The following DIXDC1 variants were observed in gnomAD, a reference collection of about 807,000 sequenced individuals.
DIXDC1 encodes the protein DIX domain containing 1, also known as dixin.
A neutral mutation model predicts 103.1 loss-of-function variants in DIXDC1; 64 were observed. The observed-to-expected ratio is 0.62, with a 90% CI of 0.51 to 0.76. The LOEUF (loss-of-function observed/expected upper bound fraction) is 0.76, where lower values mean the gene tolerates loss of function less well. DIXDC1 is among the 30% of genes least tolerant of loss of function. DIXDC1 has a pLI of 0.00. For synonymous variants in DIXDC1, 266 were observed against 298.5 expected, an observed-to-expected ratio of 0.89 and a Z score of 1.12; for missense variants, 759 against 834.2, an observed-to-expected ratio of 0.91 and a Z score of 1.11.
At chr11:111,980,646 C>T (rs1330843094) in intron 5 of DIXDC1, 91 bp from the exon 6 acceptor site, 2 of 994,846 alleles carry the variant, frequency 2.0e-6, no homozygotes, top group African/African-American at 3.2e-5. Context: ...TGAATAAGAA[C>T]ATGTCCCTGT....
At chr11:111,948,339 T>A (rs868941731) in intron 1 of DIXDC1, among the ~76,000 whole-genome samples, 1 of 152,216 alleles carries the variant, frequency 6.6e-6, no homozygotes, top group South Asian at 2.1e-4. Context: ...TTCCTTCCTG[T>A]CCTCTACCTT....
intron 10 of DIXDC1, among the ~76,000 whole-genome samples, chr11:111,991,485 G>T (rs1188445640): frequency 6.6e-6 from 1 of 152,158 alleles, no homozygotes; most frequent in Non-Finnish European, 1.5e-5. Context: ...TTAAGAATGG[G>T]CTCCCACATT....
rs1555171309 is a variant in DIXDC1, at chr11:111,964,541, T to C, written c.61-8T>C. 1 of 1,587,456 alleles carries C rather than the reference T, an allele frequency of 6.3e-7. No individual in the cohort carries two copies. The highest frequency in any genetic ancestry group is 1.8e-5 in the Admixed American group (1 of 55,422). On this transcript the variant is annotated splice_polypyrimidine_tract_variant and splice_region_variant and intron_variant, in intron 1 of 19. Coordinates refer to ENST00000440460, the MANE Select transcript of DIXDC1 (RefSeq NM_001037954.4). Reference sequence around the variant, plus strand: ...CTCTTTCCCTTACTTATATCTTTTATTTTCCAGCAACAGCTGCAGGCCTAT... The same window carrying C: ...CTCTTTCCCTTACTTATATCTTTTACTTTCCAGCAACAGCTGCAGGCCTAT...
At chr11:111,937,617 T>G (rs1555168389) in intron 1 of DIXDC1, 58 bp downstream of exon 1, 1 of 1,522,582 alleles carries the variant, frequency 6.6e-7, no homozygotes, top group South Asian at 1.2e-5. Flanking sequence ...TCCCGCCCAG[T>G]CTCCGGAAGG....
chr11:112,017,075 CT>C lies in DIXDC1; in HGVS notation c.1862+294del, dbSNP rs797040464. ...AATATGGCTCTGCATTTGGGAAAAT[CT>C]TTTTTTTTTTTTTTAAGTGTTCAAA... On this transcript the variant is annotated intron_variant, in intron 18 of 19. Coordinates refer to ENST00000440460, the MANE Select transcript of DIXDC1 (RefSeq NM_001037954.4). The surrounding 1 kb of genome is among the most constrained non-coding windows in gnomAD (Gnocchi z 4.0). 7.4e-3 allele frequency among the ~76,000 whole-genome samples: 1,016 copies of C among 137,606 alleles called. No homozygotes were observed. The highest frequency in any genetic ancestry group is 8.3e-3 in the African/African-American group (316 of 38,028). 90.3% of individuals were successfully genotyped at this position (137,606 alleles called of 152,430 possible).
chr11:111,964,567 G>T lies in DIXDC1; in HGVS notation c.79G>T (p.Val27Leu), dbSNP rs1555171315. The T allele has an allele frequency of 1.2e-6, 2 of 1,605,996 alleles. No individual in the cohort carries two copies. Among genetic ancestry groups the T allele is most frequent in the South Asian group, 2.2e-5 (2 of 89,732 alleles). The change falls in exon 2 of 20, where the codon GTG becomes TTG. Residue 27 changes from valine to leucine, a missense_variant. By Grantham distance (32) the Val-to-Leu change is conservative. This residue lies in a region of DIXDC1 where 97 missense variants were observed against 85.4 expected (regional missense o/e 1.14). Transcript: ENST00000440460. ...GFNEQQLQAY[V>L]AWVNAQLKKR... ...TTTCCAGCAACAGCTGCAGGCCTAT[G>T]TGGCCTGGGTGAATGCACAGCTGAA...
At position 111,978,977 on chromosome 11, in the gene DIXDC1, G is replaced by A. The variant is rs145262774; in HGVS notation, c.657-1760G>A. Among the ~76,000 whole-genome samples, 82 of 152,274 alleles carry A rather than the reference G, an allele frequency of 5.4e-4. 1 individual carries two copies. Among genetic ancestry groups the A allele is most frequent in the African/African-American group, 1.8e-3 (73 of 41,558 alleles). ...GCCTGGAAGTCAAGATTGCCTAAGC[G>A]GTGAAAGATGAATAAGAAAGTTCTA... is the stretch of plus-strand genomic sequence containing the variant. On this transcript the variant is annotated intron_variant, in intron 5 of 19. Transcript: ENST00000440460.
chr11:111,945,685 ACTTTTT>A (rs1966567990), intron 1 of DIXDC1: 1 of 151,946 alleles, frequency 6.6e-6, no homozygotes, highest in African/African-American at 2.4e-5. Flanking sequence ...TGTGTTCAAT[ACTTTTT>A]CTTTTCCTGA....
In DIXDC1 at chr11:111,951,094, GC is replaced by G. The variant is rs1966789352; in HGVS notation, c.61-13453del. Among the ~76,000 whole-genome samples, 2 of 152,186 alleles carry G rather than the reference GC, an allele frequency of 1.3e-5. 1 individual carries two copies. Among genetic ancestry groups the G allele is most frequent in the South Asian group, 4.1e-4 (2 of 4,820 alleles). ...AATAAGAAATGACAATAGAAAAATAGCCACTGAAACAGAAAAAGTAATTACA... is the reference window on the plus strand; with the variant it reads ...AATAAGAAATGACAATAGAAAAATAGCACTGAAACAGAAAAAGTAATTACA... On this transcript the variant is annotated intron_variant, in intron 1 of 19. Transcript: ENST00000440460.
intron 10 of DIXDC1, among the ~76,000 whole-genome samples, chr11:111,990,564 C>CT (rs1229558330): frequency 1.3e-5 from 2 of 152,070 alleles, no homozygotes; most frequent in Admixed American, 6.6e-5. Flanking sequence ...TTTCCTAGGT[C>CT]TTTTTTATGG....
chr11:111,967,637 G>T (rs1328684592), intron 2 of DIXDC1, among the ~76,000 whole-genome samples: 3 of 152,052 alleles, frequency 2.0e-5, no homozygotes, highest in Non-Finnish European at 4.4e-5. Context: ...TCACCATCTT[G>T]CCCAGGCTAG....
intron 3 of DIXDC1, among the ~76,000 whole-genome samples, chr11:111,970,502 A>G (rs587730035): frequency 8.6e-4 from 131 of 152,282 alleles, no homozygotes; most frequent in African/African-American, 3.1e-3. Flanking sequence ...AAGAAATTCA[A>G]AATACAAAAA....
chr11:111,988,778 G>C (rs1314267829), intron 9 of DIXDC1, among the ~76,000 whole-genome samples: 1 of 152,170 alleles, frequency 6.6e-6, no homozygotes, highest in African/African-American at 2.4e-5. Flanking sequence ...TTCTCTACCT[G>C]AGCAGTTAAG....
At chr11:112,001,742 A>G (rs1187417557) in intron 17 of DIXDC1, among the ~76,000 whole-genome samples, 1 of 151,462 alleles carries the variant, frequency 6.6e-6, no homozygotes, top group African/African-American at 2.4e-5. Context: ...AACAGATAAG[A>G]ATTCAGCTGA....
intron 7 of DIXDC1, among the ~76,000 whole-genome samples, chr11:111,984,711 ATC>A (rs782547919): frequency 2.6e-5 from 4 of 152,208 alleles, no homozygotes; most frequent in Non-Finnish European, 4.4e-5. Context: ...GAATGAGGAC[ATC>A]TCTCTGCAAA....
intron 7 of DIXDC1, among the ~76,000 whole-genome samples, chr11:111,983,256 A>G (rs1555173488): frequency 6.6e-6 from 1 of 152,214 alleles, no homozygotes; most frequent in Non-Finnish European, 1.5e-5. Context: ...CAAAGCCCAC[A>G]TTATGTGTGT....
chr11:111,957,932 G>T (rs1485323362), intron 1 of DIXDC1, among the ~76,000 whole-genome samples: 1 of 152,242 alleles, frequency 6.6e-6, no homozygotes, highest in Non-Finnish European at 1.5e-5. Flanking sequence ...TGGCCGGGGC[G>T]GCACGCTCCA....
At chr11:111,975,661 C>T in intron 5 of DIXDC1, 1 of 985,632 alleles carries the variant, frequency 1.0e-6, no homozygotes, top group Non-Finnish European at 1.2e-6. Context: ...TTTTTACTAA[C>T]TTCATTTTGT....
In DIXDC1 at chr11:111,986,862, T is replaced by C. The variant is rs2137563937; in HGVS notation, c.1009-9T>C. Reference sequence around the variant, plus strand: ...GGTGCTTAGCCATCTCTGTTTGTCTTATATTCAGATTATAATCCAAAGTCG... The same window carrying C: ...GGTGCTTAGCCATCTCTGTTTGTCTCATATTCAGATTATAATCCAAAGTCG... On this transcript the variant is annotated splice_polypyrimidine_tract_variant and intron_variant, in intron 8 of 19. Coordinates refer to ENST00000440460, the MANE Select transcript of DIXDC1 (RefSeq NM_001037954.4). 3 of 1,563,694 alleles carry C rather than the reference T, an allele frequency of 1.9e-6. No homozygotes were observed. Among genetic ancestry groups the C allele is most frequent in the Non-Finnish European group, 8.7e-7 (1 of 1,152,918 alleles).
Sources: gnomAD v4.1 joint callset for allele counts (sites outside exome capture counted in the v4.1 genomes callset) on GRCh38, gnomAD v4.1.1 for gene constraint, gnomAD v4.1.1 regional missense constraint, Gnocchi (gnomAD v3.1) non-coding constraint, MANE v1.5 for transcripts, NCBI Gene and HGNC (gene_info 2026-07-23, HGNC 2026-07-21) for gene names.